CCDC40: variants seen among roughly 807,000 people sequenced by gnomAD.
The protein encoded by CCDC40 is coiled-coil domain-containing protein 40.
CCDC40 carries 104 observed loss-of-function variants against 124.5 expected under a neutral mutation model. That is an observed-to-expected ratio of 0.84 (90% CI 0.71 to 0.98). The LOEUF (loss-of-function observed/expected upper bound fraction) is 0.98. Ranked by LOEUF, CCDC40 falls within the 50% of genes least tolerant of loss-of-function variation. The pLI is 0.00. For missense variants in CCDC40, 1,463 were observed against 1,503.9 expected (o/e 0.97, Z 0.45); for synonymous variants, 580 against 602.9 (o/e 0.96, Z 0.56).
chr17:80,039,195 C>T (rs2037207194), intron 2 of CCDC40, among the ~76,000 whole-genome samples: 1 of 151,880 alleles, frequency 6.6e-6, no homozygotes, highest in Non-Finnish European at 1.5e-5. Context: ...GGTGAAACCC[C>T]ATCCCTACTA....
At chr17:80,042,495 T>C (rs8071281) in intron 3 of CCDC40, among the ~76,000 whole-genome samples, 16,380 of 152,202 alleles carry the variant, frequency 0.11, 2,800 homozygotes, top group African/African-American at 0.36. Context: ...ACAATTGGTT[T>C]TTGTATACTC....
chr17:80,048,478 T>C, intron 4 of CCDC40, 105 bp from the exon 5 acceptor site: 1 of 908,080 alleles, frequency 1.1e-6, no homozygotes, highest in East Asian at 2.6e-5. Context: ...TTTCCCATCA[T>C]GCTGCATGAG....
At chr17:80,069,078 C>G (rs7223395) in intron 10 of CCDC40, among the ~76,000 whole-genome samples, 2,247 of 152,314 alleles carry the variant, frequency 0.015, 55 homozygotes, top group African/African-American at 0.052. Flanking sequence ...CACCCCTCCT[C>G]CCTCCTGACA....
intron 10 of CCDC40, among the ~76,000 whole-genome samples, chr17:80,073,012 G>GTTTGTTTT (rs1555896594): frequency 1.2e-4 from 18 of 149,764 alleles, no homozygotes; most frequent in Non-Finnish European, 1.6e-4. Context: ...TTGTTTGTTT[G>GTTTGTTTT]TTTGTTTTTG....
chr17:80,072,904 A>G (rs564541374), intron 10 of CCDC40, among the ~76,000 whole-genome samples: 1 of 151,852 alleles, frequency 6.6e-6, no homozygotes, highest in African/African-American at 2.4e-5. Context: ...TTGCATGGAG[A>G]CGTGTTTCCG....
rs7223400 is a variant in CCDC40, at chr17:80,047,262, G to A, written c.553-17G>A. The A allele has an allele frequency of 1.2e-6, 2 of 1,613,250 alleles. No individual in the cohort carries two copies. The highest frequency in any genetic ancestry group is 1.7e-6 in the Non-Finnish European group (2 of 1,179,436). ...AATTAAGCCCTGTTGACTTAGTTTTGGTTGTTCTTGCCATAGACAGGATCC... is the reference window on the plus strand; with the variant it reads ...AATTAAGCCCTGTTGACTTAGTTTTAGTTGTTCTTGCCATAGACAGGATCC... On this transcript the variant is annotated splice_polypyrimidine_tract_variant and intron_variant, in intron 3 of 19. Transcript: ENST00000397545.
intron 10 of CCDC40, among the ~76,000 whole-genome samples, chr17:80,071,794 C>T (rs145270156): frequency 1.6e-3 from 237 of 147,210 alleles, no homozygotes; most frequent in African/African-American, 5.2e-3. Flanking sequence ...GGGTGCCTGG[C>T]AGGAAATCTG....
At position 80,099,571 on chromosome 17, in the gene CCDC40, G is replaced by T; in HGVS notation, c.3225G>T (p.Leu1075=). The T allele has an allele frequency of 6.2e-7, 1 of 1,613,024 alleles. No individual in the cohort carries two copies. The highest frequency in any genetic ancestry group is 8.5e-7 in the Non-Finnish European group (1 of 1,180,006). The change falls in exon 20 of 20, where the codon CTG becomes CTT. Residue 1075 remains leucine (L), a synonymous_variant. Coordinates refer to ENST00000397545, the MANE Select transcript of CCDC40 (RefSeq NM_017950.4). ...IVALQTRLKH[L]QAVKEGRYVF... Reference sequence around the variant, plus strand: ...CCCTGCAGACACGCCTTAAGCACCTGCAGGCTGTGAAGGAGGGGCGCTACG... The same window carrying T: ...CCCTGCAGACACGCCTTAAGCACCTTCAGGCTGTGAAGGAGGGGCGCTACG...
rs1472033145 is a variant in CCDC40, at chr17:80,058,559, C to G, written c.1225C>G (p.Gln409Glu). 2.5e-6 allele frequency: 4 copies of G among 1,614,008 alleles called. No individual in the cohort carries two copies. The highest frequency in any genetic ancestry group is 1.3e-5 in the African/African-American group (1 of 74,932). The change falls in exon 8 of 20, where the codon CAG becomes GAG. Residue 409 changes from glutamine to glutamate, a missense_variant. Physicochemically the swap from Gln to Glu is conservative, Grantham distance 29. Transcript: ENST00000397545. This position sits in a 1 kb window ranked among gnomAD's most constrained non-coding sequence, Gnocchi z 4.2. The part of the protein sequence containing the change: ...LHLFYMQNID[Q>E]DMRDDIRVMT... Reference sequence around the variant, plus strand: ...TCTCTTCTACATGCAGAACATCGACCAGGACATGCGTGACGACATCCGCGT... The same window carrying G: ...TCTCTTCTACATGCAGAACATCGACGAGGACATGCGTGACGACATCCGCGT...
rs1462834312 is a variant in CCDC40, at chr17:80,100,053, C to G, written c.*278C>G. The G allele has an allele frequency of 3.3e-5, 16 of 483,876 alleles. No individual in the cohort carries two copies. The highest frequency in any genetic ancestry group is 5.8e-4 in the Middle Eastern group (1 of 1,712). The allele number at this position is 483,876 out of a possible 1,614,324, so 30.0% of individuals were successfully genotyped here. On this transcript the variant is annotated 3_prime_UTR_variant, in exon 20 of 20. Coordinates refer to ENST00000397545, the MANE Select transcript of CCDC40 (RefSeq NM_017950.4). ...CACCCACACTCCCACACTGGGCTTA[C>G]TCGTCCAGGTAACACTTTGGTTTGC... is the stretch of plus-strand genomic sequence containing the variant.
Position 80,081,678 on chromosome 17 carries a change from G to A in CCDC40, c.1695G>A (p.Leu565=). 1 of 1,614,190 alleles carries A rather than the reference G, an allele frequency of 6.2e-7. No homozygotes were observed. Among genetic ancestry groups the A allele is most frequent in the East Asian group, 2.2e-5 (1 of 44,872 alleles). The change falls in exon 11 of 20, where the codon CTG becomes CTA. Residue 565 remains leucine (L), a synonymous_variant. Transcript: ENST00000397545. ...GGACAGAGACGGAAGCCACACTGCT[G>A]CAGAAGCTCACCACCCAGTGCCTGA... The part of the protein sequence containing the change: ...LNRTETEATL[L]QKLTTQCLTK...
rs893982156 is a variant in CCDC40 at position 80,087,467 on chromosome 17, G to A, written c.2450-140G>A. The A allele has an allele frequency of 9.2e-5, 66 of 717,240 alleles. No individual in the cohort carries two copies. Among genetic ancestry groups the A allele is most frequent in the Non-Finnish European group, 1.4e-4 (55 of 393,056 alleles). 44.4% of individuals were successfully genotyped at this position (717,240 alleles called of 1,614,324 possible). ...GCAGGGACGAGATTCAGGCAGGAGCGCCAGGAACGACAAGAGGGAGGGGAT... is the reference window on the plus strand; with the variant it reads ...GCAGGGACGAGATTCAGGCAGGAGCACCAGGAACGACAAGAGGGAGGGGAT... On this transcript the variant is annotated intron_variant, in intron 14 of 19. Transcript: ENST00000397545. This position sits in a 1 kb window ranked among gnomAD's most constrained non-coding sequence, Gnocchi z 4.5.
In CCDC40 at chr17:80,099,876, G is replaced by C; in HGVS notation, c.*101G>C. 1 of 1,344,536 alleles carries C rather than the reference G, an allele frequency of 7.4e-7. No homozygotes were observed. The highest frequency in any genetic ancestry group is 1.0e-6 in the Non-Finnish European group (1 of 965,176). The allele number at this position is 1,344,536 out of a possible 1,614,324, so 83.3% of individuals were successfully genotyped here. A position where few individuals can be genotyped will look rare whatever the true frequency, so the allele number is the denominator to read the frequency against. On this transcript the variant is annotated 3_prime_UTR_variant, in exon 20 of 20. Transcript: ENST00000397545. ...TCTTTTGTGTTCCTAAAAACCACAT[G>C]TACCCTCAGAAGGGCATCGTTTAAG... is the stretch of plus-strand genomic sequence containing the variant.
chr17:80,038,183 C>T lies in CCDC40; in HGVS notation c.90C>T (p.His30=). The change falls in exon 2 of 20, where the codon CAC becomes CAT. Residue 30 remains histidine, a synonymous_variant. Transcript: ENST00000397545. ...AGAAGGAAGGGAATAATGAAAGCCA[C>T]ATGGTAAAATTCCCTATGGGCAGTT... ...EGEKEGNNES[H]MVSPPEKDDG... is the part of the protein sequence containing the mutation. 1 of 1,598,544 alleles carries T rather than the reference C, an allele frequency of 6.3e-7. No homozygotes were observed. The highest frequency in any genetic ancestry group is 2.2e-5 in the East Asian group (1 of 44,760).
In CCDC40 at chr17:80,039,996, A is replaced by T; in HGVS notation, c.278A>T (p.Glu93Val). ...AVSYGDAESE[E>V]EYYYTETSSP... ...TCCTATGGAGATGCTGAAAGCGAAG[A>T]GGAATATTACTATACAGAAACTTCA... Residue 93 changes from glutamate to valine, a missense_variant, in exon 3 of 20, where the codon GAG becomes GTG. Coordinates refer to ENST00000397545, the MANE Select transcript of CCDC40 (RefSeq NM_017950.4). The T allele has an allele frequency of 6.2e-7, 1 of 1,614,170 alleles. No homozygotes were observed. Among genetic ancestry groups the T allele is most frequent in the Non-Finnish European group, 8.5e-7 (1 of 1,180,020 alleles).
chr17:80,037,688 A>AAAATATATATATATAT, intron 1 of CCDC40, among the ~76,000 whole-genome samples: 17 of 45,704 alleles, frequency 3.7e-4, no homozygotes, highest in African/African-American at 8.2e-4. Context: ...TTTTTTAAAA[A>AAAATATATATATATAT]AGATATACAT....
intron 3 of CCDC40, among the ~76,000 whole-genome samples, chr17:80,041,092 G>A (rs779701961): frequency 6.6e-6 from 1 of 152,132 alleles, no homozygotes; most frequent in Non-Finnish European, 1.5e-5. Flanking sequence ...GAAAAAAATG[G>A]AGTACAATAA....
Position 80,066,379 on chromosome 17 carries a change from G to A in CCDC40, c.1562+773G>A. On this transcript the variant is annotated intron_variant, in intron 10 of 19. Coordinates refer to ENST00000397545, the MANE Select transcript of CCDC40 (RefSeq NM_017950.4). This position sits in a 1 kb window ranked among gnomAD's most constrained non-coding sequence, Gnocchi z 4.4. ...GGAGATGCTTTTCCTTTTGGGTGCT[G>A]TGATTAAAGAAACAAAATGAAACCA... The A allele has an allele frequency of 1.8e-6, 1 of 559,314 alleles. No individual in the cohort carries two copies. The highest frequency in any genetic ancestry group is 2.4e-5 in the South Asian group (1 of 41,834). 34.6% of individuals were successfully genotyped at this position (559,314 alleles called of 1,614,324 possible).
chr17:80,049,808 G>A, intron 5 of CCDC40, 98 bp from the exon 6 acceptor site: 1 of 964,476 alleles, frequency 1.0e-6, no homozygotes, highest in East Asian at 2.4e-5. Flanking sequence ...GTCGTCTCTG[G>A]CCCACCGGAG....
Sources: allele counts gnomAD v4.1 joint callset (sites outside exome capture counted in the v4.1 genomes callset), GRCh38; gene constraint gnomAD v4.1.1; non-coding constraint Gnocchi (gnomAD v3.1); transcripts MANE v1.5; gene names NCBI Gene and HGNC (gene_info 2026-07-23, HGNC 2026-07-21).